Variants in EVI5L observed in about 807,000 individuals in gnomAD.
The protein encoded by EVI5L is EVI5-like protein.
EVI5L carries 30 observed loss-of-function variants against 106.1 expected under a neutral mutation model. The ratio of observed to expected loss-of-function variants is 0.28; its 90% CI spans 0.21 to 0.38. The LOEUF (loss-of-function observed/expected upper bound fraction) is 0.38. EVI5L is among the 10% of genes least tolerant of loss of function. The pLI is 1.00. For missense variants in EVI5L, 809 were observed against 1,098.0 expected, an observed-to-expected ratio of 0.74 and a Z score of 3.72; for synonymous variants, 489 against 483.3, an observed-to-expected ratio of 1.01 and a Z score of -0.15.
At chr19:7,853,700 G>C (rs1448213108) in intron 10 of EVI5L, 2 of 329,218 alleles carry the variant, frequency 6.1e-6, no homozygotes, top group Non-Finnish European at 1.2e-5. Flanking sequence ...CCAGGGTGTC[G>C]AGGGCTAAAG....
At chr19:7,852,840 A>C (rs113592528) in intron 8 of EVI5L, 1 of 517,282 alleles carries the variant, frequency 1.9e-6, no homozygotes, top group African/African-American at 1.9e-5. Context: ...TGAATGAGCC[A>C]CCACATCCAG....
chr19:7,847,957 G>T, intron 3 of EVI5L, 36 bp downstream of exon 3: 1 of 1,513,762 alleles, frequency 6.6e-7, no homozygotes. Context: ...CTGGGCCGAC[G>T]GCGTGGGCAG....
At chr19:7,852,673 T>A in intron 8 of EVI5L, 1 of 214,642 alleles carries the variant, frequency 4.7e-6, no homozygotes, top group Non-Finnish European at 9.4e-6. Context: ...CGCCTCAGCC[T>A]CCTGAGTAGC....
intron 2 of EVI5L, 118 bp downstream of exon 2, chr19:7,846,797 C>G: frequency 7.5e-7 from 1 of 1,337,850 alleles, no homozygotes; most frequent in Non-Finnish European, 1.0e-6. Flanking sequence ...TGACAGCCAC[C>G]TCCAGATGCT....
chr19:7,858,443 C>A lies in EVI5L; in HGVS notation c.1374+112C>A. ...CTGCCCCGCCTCAGCACCTGGCCCT[C>A]CTGTTCCTTTCTGGGGTAAGGGGAA... is the stretch of plus-strand genomic sequence containing the variant. On this transcript the variant is annotated intron_variant, in intron 13 of 19. Coordinates refer to ENST00000538904, the MANE Select transcript of EVI5L (RefSeq NM_001159944.3). The surrounding 1 kb of genome is among the most constrained non-coding windows in gnomAD (Gnocchi z 5.7). 1 of 1,362,688 alleles carries A rather than the reference C, an allele frequency of 7.3e-7. No homozygotes were observed. Among genetic ancestry groups the A allele is most frequent in the Non-Finnish European group, 9.7e-7 (1 of 1,031,116 alleles). 84.4% of individuals were successfully genotyped at this position (1,362,688 alleles called of 1,614,324 possible). A position where few individuals can be genotyped will look rare whatever the true frequency, so the allele number is the denominator to read the frequency against.
chr19:7,857,167 C>T lies in EVI5L; in HGVS notation c.1233+43C>T, dbSNP rs1351256510. The T allele has an allele frequency of 6.5e-7, 1 of 1,549,992 alleles. No homozygotes were observed. The highest frequency in any genetic ancestry group is 2.0e-5 in the Admixed American group (1 of 51,006). ...CCCCTCTCCGGATTCCTTCCTGGCC[C>T]CTTCCCTGCACCCTGCACATGACAG... On this transcript the variant is annotated intron_variant, in intron 12 of 19. Transcript: ENST00000538904. This position sits in a 1 kb window ranked among gnomAD's most constrained non-coding sequence, Gnocchi z 4.5.
rs1446285301 is a variant in EVI5L, at chr19:7,856,179, G to A, written c.1200+111G>A. The A allele has an allele frequency of 1.8e-6, 2 of 1,103,242 alleles. No individual in the cohort carries two copies. The highest frequency in any genetic ancestry group is 3.0e-5 in the East Asian group (1 of 33,604). The allele number at this position is 1,103,242 out of a possible 1,614,324, so 68.3% of individuals were successfully genotyped here. A position where few individuals can be genotyped will look rare whatever the true frequency, so the allele number is the denominator to read the frequency against. ...CCTCCAAGTCTTCTCCTCTCTGGAGGACTAAGCAGCCCTACCTTCCTGCCC... is the reference window on the plus strand; with the variant it reads ...CCTCCAAGTCTTCTCCTCTCTGGAGAACTAAGCAGCCCTACCTTCCTGCCC... On this transcript the variant is annotated intron_variant, in intron 11 of 19. Coordinates refer to ENST00000538904, the MANE Select transcript of EVI5L (RefSeq NM_001159944.3). The surrounding 1 kb of genome is among the most constrained non-coding windows in gnomAD (Gnocchi z 6.6).
At position 7,850,680 on chromosome 19, in the gene EVI5L, A is replaced by G. The variant is rs913360741; in HGVS notation, c.753+558A>G. On this transcript the variant is annotated intron_variant, in intron 6 of 19. Transcript: ENST00000538904. This position sits in a 1 kb window ranked among gnomAD's most constrained non-coding sequence, Gnocchi z 5.4. ...GGTGGGGCTGTGCAGTCATCCCTGG[A>G]TGTGACAGCCCCACTCCCTGGGCCT... 1.3e-5 allele frequency among the ~76,000 whole-genome samples: 2 copies of G among 152,040 alleles called. No individual in the cohort carries two copies. Among genetic ancestry groups the G allele is most frequent in the Admixed American group, 6.5e-5 (1 of 15,276 alleles).
At position 7,862,466 on chromosome 19, in the gene EVI5L, G is replaced by T. The variant is rs1979861038; in HGVS notation, c.1879G>T (p.Ala627Ser). The part of the protein sequence containing the change: ...ALQEKLQYLA[A>S]QNKGLQTQLS... Reference sequence around the variant, plus strand: ...GCAGGAGAAGCTGCAGTACCTGGCTGCACAGAACAAGGGGCTGCAGACGCA... The same window carrying T: ...GCAGGAGAAGCTGCAGTACCTGGCTTCACAGAACAAGGGGCTGCAGACGCA... The change falls in exon 17 of 20, where the codon GCA (alanine) becomes TCA (serine). Residue 627 changes from alanine (A) to serine (S), a missense_variant. By Grantham distance (99) the Ala-to-Ser change is moderately conservative. This residue lies in a region of EVI5L where 452 missense variants were observed against 509.9 expected (regional missense o/e 0.89). Coordinates refer to ENST00000538904, the MANE Select transcript of EVI5L (RefSeq NM_001159944.3). The T allele has an allele frequency of 6.2e-7, 1 of 1,606,604 alleles. No individual in the cohort carries two copies. Among genetic ancestry groups the T allele is most frequent in the South Asian group, 1.1e-5 (1 of 90,176 alleles).
Position 7,863,888 on chromosome 19 carries a change from G to T in EVI5L, c.*186G>T, listed in dbSNP as rs977538099. ...TCCGACCTGGGCTCCTCAGGGCCCCGGGGCAGGCTCTCTATCCCCAGCAGT... is the reference window on the plus strand; with the variant it reads ...TCCGACCTGGGCTCCTCAGGGCCCCTGGGCAGGCTCTCTATCCCCAGCAGT... On this transcript the variant is annotated 3_prime_UTR_variant, in exon 20 of 20. Transcript: ENST00000538904. This position sits in a 1 kb window ranked among gnomAD's most constrained non-coding sequence, Gnocchi z 7.7. 19 of 775,456 alleles carry T rather than the reference G, an allele frequency of 2.5e-5. No individual in the cohort carries two copies. The allele number at this position is 775,456 out of a possible 1,614,324, so 48.0% of individuals were successfully genotyped here.
At chr19:7,854,681 G>C (rs1409162446) in intron 10 of EVI5L, among the ~76,000 whole-genome samples, 1 of 152,228 alleles carries the variant, frequency 6.6e-6, no homozygotes, top group Non-Finnish European at 1.5e-5. Context: ...GTGATGGGTT[G>C]AAGCCAGAGA....
intron 8 of EVI5L, 49 bp downstream of exon 8, chr19:7,851,819 T>C: frequency 6.9e-7 from 1 of 1,453,862 alleles, no homozygotes; most frequent in Non-Finnish European, 9.1e-7. Flanking sequence ...ATCAGGGGCT[T>C]CGAGTCACAG....
In EVI5L at chr19:7,853,151, C is replaced by A. The variant is rs769953060; in HGVS notation, c.1053C>A (p.Tyr351Ter). ...CGGACAAGCTGGTCCTCAAAGCCTACCAGGTCAAGTACAACCCCAAGAAGA... is the reference window on the plus strand; with the variant it reads ...CGGACAAGCTGGTCCTCAAAGCCTAACAGGTCAAGTACAACCCCAAGAAGA... ...SCPDKLVLKAYQVKYNPKKMK... is the reference protein window; with the variant it reads ...SCPDKLVLKA Residue 351 changes from tyrosine (Y) to a stop codon, truncating the protein, a stop_gained, in exon 9 of 20, where the codon TAC becomes TAA. Transcript: ENST00000538904. LOFTEE classifies it high-confidence loss of function. 6.2e-7 allele frequency: 1 copy of A among 1,614,020 alleles called. No individual in the cohort carries two copies. The highest frequency in any genetic ancestry group is 8.5e-7 in the Non-Finnish European group (1 of 1,180,030).
rs369697317 is a variant in EVI5L at position 7,862,974 on chromosome 19, C to T, written c.1950C>T (p.Ser650=). ...TCCCCCCAATCCCCCGACCCCAGAGCAAGGAGGAGGTGATGGCTGTGCGAC... is the reference window on the plus strand; with the variant it reads ...TCCCCCCAATCCCCCGACCCCAGAGTAAGGAGGAGGTGATGGCTGTGCGAC... ...RRKQAEAECK[S]KEEVMAVRLR... The change falls in exon 18 of 20, where the codon AGC becomes AGT. Residue 650 remains serine, a splice_region_variant and synonymous_variant. Transcript: ENST00000538904. 1.4e-3 allele frequency: 2,212 copies of T among 1,560,710 alleles called. 25 individuals are homozygous for T. Among genetic ancestry groups the T allele is most frequent in the Admixed American group, 0.013 (719 of 56,176 alleles).
At chr19:7,833,644 G>A (rs772109675) in intron 1 of EVI5L, among the ~76,000 whole-genome samples, 49 of 152,230 alleles carry the variant, frequency 3.2e-4, no homozygotes, top group Non-Finnish European at 5.9e-5. Context: ...CGCCCAAGAG[G>A]CAGGAGCAAG....
In EVI5L at chr19:7,835,793, G is replaced by C. The variant is rs1259041727; in HGVS notation, c.-48+5412G>C. Among the ~76,000 whole-genome samples the C allele has an allele frequency of 2.0e-5, 3 of 152,226 alleles. No individual in the cohort carries two copies. Among genetic ancestry groups the C allele is most frequent in the Non-Finnish European group, 4.4e-5 (3 of 68,036 alleles). On this transcript the variant is annotated intron_variant, in intron 1 of 19. Transcript: ENST00000538904. The surrounding 1 kb of genome is among the most constrained non-coding windows in gnomAD (Gnocchi z 4.1). ...TGCCAAGGACGAGAGGACCTAAGGT[G>C]CTAGGTTGGGCCATTTCCCCAGAGG...
At chr19:7,841,797 C>G (rs1022525933) in intron 1 of EVI5L, among the ~76,000 whole-genome samples, 1 of 152,240 alleles carries the variant, frequency 6.6e-6, no homozygotes, top group Non-Finnish European at 1.5e-5. Flanking sequence ...CCCTGCCTCG[C>G]TCCCTACCAT....
At chr19:7,842,645 G>A (rs1978683725) in intron 1 of EVI5L, among the ~76,000 whole-genome samples, 1 of 151,766 alleles carries the variant, frequency 6.6e-6, no homozygotes, top group African/African-American at 2.4e-5. Context: ...ATATGTGAAT[G>A]TGGGTGTTTA....
intron 13 of EVI5L, among the ~76,000 whole-genome samples, chr19:7,859,424 C>T (rs1012123733): frequency 6.6e-6 from 1 of 152,222 alleles, no homozygotes; most frequent in Admixed American, 6.5e-5. Context: ...AAGAGCCATC[C>T]AATACAGAGG....
Sources: gnomAD v4.1 joint callset for allele counts (sites outside exome capture counted in the v4.1 genomes callset) on GRCh38, gnomAD v4.1.1 for gene constraint, gnomAD v4.1.1 regional missense constraint, Gnocchi (gnomAD v3.1) non-coding constraint, MANE v1.5 for transcripts, NCBI Gene and HGNC (gene_info 2026-07-23, HGNC 2026-07-21) for gene names.